PTPRD: variants seen among roughly 807,000 people sequenced by gnomAD.
The protein encoded by PTPRD is protein tyrosine phosphatase receptor type D.
In PTPRD, 34 loss-of-function variants were observed where a neutral mutation model predicts 214.5. The ratio of observed to expected loss-of-function variants is 0.16; its 90% CI spans 0.12 to 0.21. The LOEUF (loss-of-function observed/expected upper bound fraction) is 0.21. PTPRD is among the 10% of genes least tolerant of loss of function. The pLI is 1.00. For missense variants in PTPRD, 2,545 were observed against 2,398.7 expected (o/e 1.06, Z -1.27); for synonymous variants, 1,128 against 845.7 (o/e 1.33, Z -5.79).
In PTPRD at chr9:8,916,871, T is replaced by C. The variant is rs541377665; in HGVS notation, c.-104+101826A>G. ...AAATATTTACATATATCAATGCATG[T>C]AGCACATGACTAAATCTTTCTCATA... On this transcript the variant is annotated intron_variant, in intron 11 of 45. Coordinates refer to ENST00000381196, the MANE Select transcript of PTPRD (RefSeq NM_002839.4). Among the ~76,000 whole-genome samples, 12 of 152,304 alleles carry C rather than the reference T, an allele frequency of 7.9e-5. No individual in the cohort carries two copies. The South Asian group carries it at 1.2e-3, about 16-fold the overall frequency.
intron 9 of PTPRD, among the ~76,000 whole-genome samples, chr9:9,318,218 A>G (rs1964408955): frequency 1.4e-5 from 2 of 143,638 alleles, no homozygotes; most frequent in South Asian, 2.2e-4. Flanking sequence ...AAAACAAACA[A>G]AAAACCAAAA....
intron 9 of PTPRD, among the ~76,000 whole-genome samples, chr9:9,261,628 G>A (rs142283935): frequency 1.4e-5 from 2 of 145,336 alleles, no homozygotes; most frequent in Non-Finnish European, 3.0e-5. Flanking sequence ...GAGTGTGTGC[G>A]TGTGTGCATG....
At position 10,483,125 on chromosome 9, in the gene PTPRD, A is replaced by G. The variant is rs531808570; in HGVS notation, c.-600+129273T>C. Reference sequence around the variant, plus strand: ...AACACAATAGAGAATCCAGAAATAAACTCAAATACTTACAACCAACTGATC... The same window carrying G: ...AACACAATAGAGAATCCAGAAATAAGCTCAAATACTTACAACCAACTGATC... On this transcript the variant is annotated intron_variant, in intron 2 of 45. Coordinates refer to ENST00000381196, the MANE Select transcript of PTPRD (RefSeq NM_002839.4). Among the ~76,000 whole-genome samples, 3 of 152,260 alleles carry G rather than the reference A, an allele frequency of 2.0e-5. No homozygotes were observed. In the East Asian group the frequency reaches 5.8e-4, roughly 29 times the overall value.
intron 5 of PTPRD, among the ~76,000 whole-genome samples, chr9:9,927,011 A>C (rs1200444704): frequency 6.6e-6 from 1 of 152,138 alleles, no homozygotes. Context: ...TTGCAGGAAA[A>C]AGTGTTCATT....
rs532552034 is a variant in PTPRD at position 8,317,879 on chromosome 9, T to G, written c.5734A>C (p.Thr1912Pro). 2 of 1,612,194 alleles carry G rather than the reference T, an allele frequency of 1.2e-6. No individual in the cohort carries two copies. Among genetic ancestry groups the G allele is most frequent in the Non-Finnish European group, 1.7e-6 (2 of 1,178,672 alleles). ...CCAGAATGGGTCAGGGGTTTCTACGTTGCATAGTGGTCAAAGCTGCCCAGG... is the reference window on the plus strand; with the variant it reads ...CCAGAATGGGTCAGGGGTTTCTACGGTGCATAGTGGTCAAAGCTGCCCAGG... ...EYLGSFDHYA[T>P] The change falls in exon 46 of 46, where the codon ACG becomes CCG. Residue 1912 changes from threonine to proline, a missense_variant. Thr to Pro is a conservative substitution (Grantham distance 38). Transcript: ENST00000381196.
chr9:9,425,852 T>A (rs915002775), intron 8 of PTPRD, among the ~76,000 whole-genome samples: 1 of 151,924 alleles, frequency 6.6e-6, no homozygotes, highest in Non-Finnish European at 1.5e-5. Context: ...TTGAGTTGAT[T>A]TTTATATAAT....
chr9:9,190,389 A>G (rs2099934378), intron 9 of PTPRD, among the ~76,000 whole-genome samples: 1 of 152,018 alleles, frequency 6.6e-6, no homozygotes, highest in African/African-American at 2.4e-5. Flanking sequence ...ATAGTGAATA[A>G]GTCTCACGAG....
chr9:9,053,832 C>T (rs2099691189), intron 10 of PTPRD, among the ~76,000 whole-genome samples: 1 of 152,058 alleles, frequency 6.6e-6, no homozygotes, highest in Non-Finnish European at 1.5e-5. Flanking sequence ...GAAAGTAATT[C>T]TAATGCACTT....
intron 2 of PTPRD, among the ~76,000 whole-genome samples, chr9:10,458,973 A>G (rs1482057414): frequency 2.0e-5 from 3 of 152,110 alleles, no homozygotes; most frequent in African/African-American, 7.2e-5. Flanking sequence ...ATAGTTACAC[A>G]CGTTCCGTGG....
At chr9:9,604,940 G>A (rs557481871) in intron 7 of PTPRD, among the ~76,000 whole-genome samples, 2 of 151,914 alleles carry the variant, frequency 1.3e-5, no homozygotes, top group African/African-American at 4.8e-5. Flanking sequence ...ATTTTAACAG[G>A]AGGTGGTCCC....
intron 9 of PTPRD, among the ~76,000 whole-genome samples, chr9:9,207,283 G>A (rs572592112): frequency 2.6e-4 from 39 of 152,250 alleles, no homozygotes; most frequent in South Asian, 1.5e-3. Context: ...ATAGACAACC[G>A]CATGGAGACA....
intron 2 of PTPRD, among the ~76,000 whole-genome samples, chr9:10,594,004 G>A (rs189913049): frequency 9.2e-5 from 14 of 151,898 alleles, no homozygotes; most frequent in Non-Finnish European, 1.8e-4. Context: ...TTATTAAAAC[G>A]GGAAGTATTG....
At chr9:10,393,922 T>TGC (rs2098120052) in intron 2 of PTPRD, among the ~76,000 whole-genome samples, 2 of 148,228 alleles carry the variant, frequency 1.3e-5, no homozygotes, top group Admixed American at 1.4e-4. Context: ...TTATGCTTGA[T>TGC]TATATCTTTG....
At chr9:8,519,607 A>G (rs2097851568) in intron 20 of PTPRD, among the ~76,000 whole-genome samples, 1 of 152,110 alleles carries the variant, frequency 6.6e-6, no homozygotes, top group South Asian at 2.1e-4. Flanking sequence ...GACTTACTGT[A>G]AAATTGTGAA....
At chr9:8,319,767 C>G (rs1354626959) in intron 45 of PTPRD, 64 bp downstream of exon 45, 1 of 1,593,706 alleles carries the variant, frequency 6.3e-7, no homozygotes, top group Non-Finnish European at 8.6e-7. Flanking sequence ...GTATGGAGTC[C>G]GGGAGGTCCA....
intron 2 of PTPRD, among the ~76,000 whole-genome samples, chr9:10,359,067 C>G (rs2097330468): frequency 6.6e-6 from 1 of 151,872 alleles, no homozygotes; most frequent in Non-Finnish European, 1.5e-5. Context: ...TACCTAATGT[C>G]ACAATGTGGA....
Position 9,749,921 on chromosome 9 carries a change from T to C in PTPRD, c.-325-15350A>G, listed in dbSNP as rs1375220826. ...CACTTGAAATAACCAGCAGTATTTT[T>C]TCACTGCCTATATAAAATAATAGAA... On this transcript the variant is annotated intron_variant, in intron 6 of 45. Transcript: ENST00000381196. Among the ~76,000 whole-genome samples the C allele has an allele frequency of 4.6e-5, 7 of 152,190 alleles. No individual in the cohort carries two copies. The East Asian group carries it at 1.3e-3, about 29-fold the overall frequency.
chr9:10,562,315 G>T (rs1038114485), intron 2 of PTPRD, among the ~76,000 whole-genome samples: 1 of 149,420 alleles, frequency 6.7e-6, no homozygotes, highest in Non-Finnish European at 1.5e-5. Context: ...ATAATGTAAT[G>T]AAATGTTCGT....
At chr9:9,234,348 G>T (rs189573877) in intron 9 of PTPRD, among the ~76,000 whole-genome samples, 1 of 152,282 alleles carries the variant, frequency 6.6e-6, no homozygotes, top group South Asian at 2.1e-4. Flanking sequence ...GAGTGGGCGG[G>T]CCCTGGGCCC....
Sources: allele counts gnomAD v4.1 joint callset (sites outside exome capture counted in the v4.1 genomes callset), GRCh38; gene constraint gnomAD v4.1.1; transcripts MANE v1.5; gene names NCBI Gene and HGNC (gene_info 2026-07-23, HGNC 2026-07-21).